Variants in UGGT2 observed in about 807,000 individuals in gnomAD.
UGGT2 encodes UDP-glucose:glycoprotein glucosyltransferase 2.
UGGT2 carries 180 observed loss-of-function variants against 192.1 expected under a neutral mutation model. That is an observed-to-expected ratio of 0.94 (90% CI 0.83 to 1.06). The LOEUF is 1.06. Among genes scored for constraint, UGGT2 ranks in the 50% least tolerant of loss-of-function variants. The pLI is 0.00. For missense variants in UGGT2, 1,849 were observed against 1,795.7 expected (o/e 1.03, Z -0.54); for synonymous variants, 580 against 591.0 (o/e 0.98, Z 0.27).
intron 12 of UGGT2, among the ~76,000 whole-genome samples, chr13:95,958,666 T>C (rs1373892970): frequency 4.6e-5 from 7 of 151,562 alleles, no homozygotes; most frequent in Admixed American, 2.0e-4. Context: ...GCCTCTTCCA[T>C]GGAAAGGAAC....
chr13:96,004,677 C>A (rs2051915556), intron 5 of UGGT2, among the ~76,000 whole-genome samples: 1 of 120,730 alleles, frequency 8.3e-6, no homozygotes, highest in South Asian at 3.4e-4. Flanking sequence ...GCTATCCCTC[C>A]CCCCTCCCCC....
intron 20 of UGGT2, among the ~76,000 whole-genome samples, chr13:95,911,542 C>T (rs554947805): frequency 2.0e-5 from 3 of 151,990 alleles, no homozygotes; most frequent in Non-Finnish European, 4.4e-5. Flanking sequence ...CAGGAAGAAG[C>T]TGAATCTCTG....
intron 12 of UGGT2, among the ~76,000 whole-genome samples, chr13:95,957,762 C>A (rs540894136): frequency 1.3e-5 from 2 of 152,270 alleles, no homozygotes; most frequent in Non-Finnish European, 2.9e-5. Flanking sequence ...TCTAGAAGAG[C>A]CTTGACAATT....
chr13:95,871,270 T>C (rs561048618), intron 29 of UGGT2, among the ~76,000 whole-genome samples: 1 of 152,184 alleles, frequency 6.6e-6, no homozygotes, highest in Non-Finnish European at 1.5e-5. Context: ...GAAGTGAGTA[T>C]GCATAGTCAT....
At chr13:96,037,055 A>C (rs2053026115) in intron 1 of UGGT2, among the ~76,000 whole-genome samples, 1 of 152,230 alleles carries the variant, frequency 6.6e-6, no homozygotes, top group African/African-American at 2.4e-5. Flanking sequence ...TATTTCTACA[A>C]AGGGTGTTTT....
chr13:95,946,618 G>C (rs530773394), intron 15 of UGGT2, among the ~76,000 whole-genome samples: 1 of 152,084 alleles, frequency 6.6e-6, no homozygotes, highest in Non-Finnish European at 1.5e-5. Context: ...CGATCCTCCT[G>C]CCTTGGCCTC....
chr13:95,997,532 A>T (rs2051663296), intron 6 of UGGT2, among the ~76,000 whole-genome samples: 1 of 152,108 alleles, frequency 6.6e-6, no homozygotes, highest in African/African-American at 2.4e-5. Context: ...AATCCCAGCT[A>T]CTCAGGAGGC....
chr13:95,832,783 A>G, intron 38 of UGGT2, 144 bp downstream of exon 38: 1 of 1,271,638 alleles, frequency 7.9e-7, no homozygotes, highest in Non-Finnish European at 1.1e-6. Context: ...GTCTACACAA[A>G]AATACACCTT....
chr13:96,052,760 A>T (rs926823113), intron 1 of UGGT2, among the ~76,000 whole-genome samples: 4 of 152,232 alleles, frequency 2.6e-5, no homozygotes, highest in Non-Finnish European at 4.4e-5. Flanking sequence ...CCCTCCCCAT[A>T]GTAAGCCTAG....
intron 20 of UGGT2, among the ~76,000 whole-genome samples, chr13:95,909,747 TATAATAATA>T (rs148389354): frequency 0.015 from 1,685 of 109,364 alleles, 49 homozygotes; most frequent in African/African-American, 0.059. Flanking sequence ...AAACTTGAAG[TATAATAATA>T]ATAATAATAA....
At chr13:95,878,003 T>G (rs1003588219) in intron 27 of UGGT2, 147 bp from the exon 28 acceptor site, 29 of 787,510 alleles carry the variant, frequency 3.7e-5, no homozygotes, top group Middle Eastern at 3.9e-4. Context: ...AGTGAATTCA[T>G]GAGTTGAACT....
chr13:96,021,119 A>G (rs1460101574), intron 4 of UGGT2, among the ~76,000 whole-genome samples: 2 of 152,176 alleles, frequency 1.3e-5, no homozygotes, highest in African/African-American at 2.4e-5. Context: ...CCTGTCCCCA[A>G]TCCCAAAGGC....
At chr13:95,908,233 G>A (rs1271444180) in intron 20 of UGGT2, among the ~76,000 whole-genome samples, 1 of 152,174 alleles carries the variant, frequency 6.6e-6, no homozygotes, top group Non-Finnish European at 1.5e-5. Flanking sequence ...AAGCCTCCAA[G>A]AAATATGGAA....
intron 38 of UGGT2, among the ~76,000 whole-genome samples, chr13:95,802,620 G>T (rs904607532): frequency 6.6e-6 from 1 of 152,190 alleles, no homozygotes; most frequent in African/African-American, 2.4e-5. Context: ...ATACACCGCT[G>T]AAACGATGAG....
In UGGT2 at chr13:96,023,659, T is replaced by G; in HGVS notation, c.342A>C (p.Ala114=). 2 of 1,611,040 alleles carry G rather than the reference T, an allele frequency of 1.2e-6. No homozygotes were observed. The highest frequency in any genetic ancestry group is 4.5e-5 in the East Asian group (2 of 44,732). The change falls in exon 3 of 39, where the codon GCA becomes GCC. Residue 114 remains alanine (A), a synonymous_variant. Coordinates refer to ENST00000376747, the MANE Select transcript of UGGT2 (RefSeq NM_020121.4). ...NLLKFAFSIR[A]YSPAIQMFQQ... is the part of the protein sequence containing the mutation. ...GAAACATCTGAATAGCTGGGGAGTATGCCCTTATAGAGAAAGCAAACTTTA... is the reference window on the plus strand; with the variant it reads ...GAAACATCTGAATAGCTGGGGAGTAGGCCCTTATAGAGAAAGCAAACTTTA...
At chr13:96,015,863 T>G (rs1360163740) in intron 4 of UGGT2, among the ~76,000 whole-genome samples, 2 of 151,974 alleles carry the variant, frequency 1.3e-5, no homozygotes, top group Non-Finnish European at 2.9e-5. Flanking sequence ...CCGCAAGGAG[T>G]GGAATAATGA....
chr13:95,858,694 C>T (rs1321963000), intron 33 of UGGT2, among the ~76,000 whole-genome samples: 1 of 152,136 alleles, frequency 6.6e-6, no homozygotes, highest in Non-Finnish European at 1.5e-5. Context: ...ACTGTGAGCA[C>T]AGCTGTTTTT....
At chr13:95,836,343 C>T (rs985012121) in intron 37 of UGGT2, among the ~76,000 whole-genome samples, 12 of 152,218 alleles carry the variant, frequency 7.9e-5, no homozygotes, top group Non-Finnish European at 1.8e-4. Context: ...AGCCACCGTG[C>T]CCAGCCCTCT....
intron 38 of UGGT2, among the ~76,000 whole-genome samples, chr13:95,811,609 A>C (rs1203220667): frequency 1.3e-5 from 2 of 152,312 alleles, no homozygotes; most frequent in Middle Eastern, 3.4e-3. Flanking sequence ...AGTGAATTGT[A>C]AAGTATGTGA....
Sources: gnomAD v4.1 joint callset for allele counts (sites outside exome capture counted in the v4.1 genomes callset) on GRCh38, gnomAD v4.1.1 for gene constraint, MANE v1.5 for transcripts, NCBI Gene and HGNC (gene_info 2026-07-23, HGNC 2026-07-21) for gene names.